ISOC1: variants seen among roughly 807,000 people sequenced by gnomAD.
ISOC1 encodes the protein isochorismatase domain-containing protein 1.
In ISOC1, 33 loss-of-function variants were observed where a neutral mutation model predicts 30.0. The ratio of observed to expected loss-of-function variants is 1.10; its 90% CI spans 0.83 to 1.47. The LOEUF is 1.47. Among genes scored for constraint, ISOC1 ranks in the 40% most tolerant of loss-of-function variants. ISOC1 has a pLI of 0.00. For synonymous variants in ISOC1, 178 were observed against 159.8 expected (o/e 1.11, Z -0.86); for missense variants, 372 against 388.0 (o/e 0.96, Z 0.35).
chr5:129,112,860 C>G lies in ISOC1; in HGVS notation c.756C>G (p.Leu252=). 6.2e-7 allele frequency: 1 copy of G among 1,611,938 alleles called. No individual in the cohort carries two copies. Among genetic ancestry groups the G allele is most frequent in the Non-Finnish European group, 8.5e-7 (1 of 1,179,236 alleles). Residue 252 remains leucine, a synonymous_variant, in exon 5 of 5, where the codon CTC becomes CTG. Transcript: ENST00000173527. The stretch of plus-strand genomic sequence containing the variant: ...CCTTTATCTTTTTGTTCAAGCGTCT[C>G]GCTCGAACCGGGATCATAGTGACCA... ...MMDRMFALER[L]ARTGIIVTTS...
At chr5:129,109,810 T>C (rs1753682831) in intron 4 of ISOC1, among the ~76,000 whole-genome samples, 1 of 152,180 alleles carries the variant, frequency 6.6e-6, no homozygotes, top group Non-Finnish European at 1.5e-5. Context: ...TAAAATACCA[T>C]TGTGGTCCTC....
intron 4 of ISOC1, 108 bp downstream of exon 4, chr5:129,107,170 G>T (rs1007739650): frequency 3.5e-6 from 3 of 845,866 alleles, no homozygotes; most frequent in Non-Finnish European, 5.9e-6. Context: ...ATTTGAGTTG[G>T]TCTGGCAATA....
At chr5:129,100,504 A>G (rs7702153) in intron 1 of ISOC1, among the ~76,000 whole-genome samples, 51,375 of 151,934 alleles carry the variant, frequency 0.34, 8,953 homozygotes, top group East Asian at 0.49. Flanking sequence ...GGATACATAT[A>G]TTTATATGTG....
chr5:129,112,810 A>C, intron 4 of ISOC1, 45 bp from the exon 5 acceptor site: 2 of 1,596,146 alleles, frequency 1.3e-6, no homozygotes, highest in Non-Finnish European at 1.7e-6. Flanking sequence ...AATAGTGTTC[A>C]TTCTCATGCT....
At chr5:129,095,571 G>C (rs1753487805) in intron 1 of ISOC1, among the ~76,000 whole-genome samples, 1 of 152,154 alleles carries the variant, frequency 6.6e-6, no homozygotes, top group Admixed American at 6.5e-5. Flanking sequence ...ATTCCCCCCC[G>C]CCTTCCCAGG....
At chr5:129,107,783 T>C (rs1398119147) in intron 4 of ISOC1, among the ~76,000 whole-genome samples, 1 of 152,142 alleles carries the variant, frequency 6.6e-6, no homozygotes, top group Non-Finnish European at 1.5e-5. Flanking sequence ...GACTAAGTGG[T>C]GTGTCATTGA....
At chr5:129,101,178 A>T (rs1753566210) in intron 1 of ISOC1, among the ~76,000 whole-genome samples, 1 of 108,196 alleles carries the variant, frequency 9.2e-6, no homozygotes, top group African/African-American at 4.7e-5. Context: ...AAAAAAAAAA[A>T]AAAAAAAAAA....
intron 1 of ISOC1, among the ~76,000 whole-genome samples, chr5:129,097,517 A>G (rs1753517978): frequency 6.6e-6 from 1 of 152,188 alleles, no homozygotes; most frequent in African/African-American, 2.4e-5. Context: ...TATGGCTGTA[A>G]GAGACCATAC....
chr5:129,110,372 C>A (rs1207846660), intron 4 of ISOC1, among the ~76,000 whole-genome samples: 1 of 152,170 alleles, frequency 6.6e-6, no homozygotes, highest in Admixed American at 6.5e-5. Flanking sequence ...TGGGCAGGGA[C>A]TTGCTAGGTA....
intron 1 of ISOC1, among the ~76,000 whole-genome samples, chr5:129,095,914 G>A (rs1299014336): frequency 6.6e-6 from 1 of 152,180 alleles, no homozygotes; most frequent in South Asian, 2.1e-4. Flanking sequence ...GGAAAGGAAA[G>A]AATATAAGGT....
At chr5:129,098,110 G>A (rs772565278) in intron 1 of ISOC1, among the ~76,000 whole-genome samples, 1 of 152,082 alleles carries the variant, frequency 6.6e-6, no homozygotes, top group Non-Finnish European at 1.5e-5. Context: ...CTTCATTTGC[G>A]CCGTGGTATG....
chr5:129,104,096 C>G (rs1028360651), intron 1 of ISOC1, among the ~76,000 whole-genome samples: 12 of 152,154 alleles, frequency 7.9e-5, no homozygotes, highest in African/African-American at 2.9e-4. Context: ...AATTCATTGA[C>G]TTTCCTTATC....
At chr5:129,107,738 A>T (rs1369892945) in intron 4 of ISOC1, among the ~76,000 whole-genome samples, 1 of 152,126 alleles carries the variant, frequency 6.6e-6, no homozygotes, top group African/African-American at 2.4e-5. Context: ...GGAACCAGAG[A>T]TGACTATTAG....
intron 1 of ISOC1, 59 bp downstream of exon 1, chr5:129,095,134 CTGTCCCCGCCTTCGCCGCGCTCCTCAG>C: frequency 6.9e-7 from 1 of 1,447,562 alleles, no homozygotes; most frequent in Non-Finnish European, 9.1e-7. Context: ...GTCCCCGTCC[CTGTCCCCGCCTTCGCCGCGCTCCTCAG>C]GTGCCCCGAG....
chr5:129,102,429 T>A (rs1284213137), intron 1 of ISOC1, among the ~76,000 whole-genome samples: 1 of 152,078 alleles, frequency 6.6e-6, no homozygotes, highest in South Asian at 2.1e-4. Flanking sequence ...ATATGACACA[T>A]CTGATGCAGT....
intron 3 of ISOC1, 121 bp downstream of exon 3, chr5:129,105,509 A>C (rs1164171460): frequency 5.2e-6 from 4 of 764,670 alleles, no homozygotes; most frequent in African/African-American, 3.5e-5. Context: ...GGTAGCCACC[A>C]TGTATTATGT....
rs1362046393 is a variant in ISOC1, at chr5:129,101,182, A to T, written c.310-3774A>T. 1.1e-3 allele frequency among the ~76,000 whole-genome samples: 125 copies of T among 109,976 alleles called. 4 individuals carry two copies. The highest frequency in any genetic ancestry group is 5.6e-3 in the African/African-American group (122 of 21,626). The allele number at this position is 109,976 out of a possible 152,430, so 72.1% of individuals were successfully genotyped here. On this transcript the variant is annotated intron_variant, in intron 1 of 4. Transcript: ENST00000173527. Reference sequence around the variant, plus strand: ...TAATCAAAAAAAAAAAAAAAAAAAAAAAAAAAAAAAATATATATATATATA... The same window carrying T: ...TAATCAAAAAAAAAAAAAAAAAAAATAAAAAAAAAAATATATATATATATA...
At position 129,100,595 on chromosome 5, in the gene ISOC1, T is replaced by C. The variant is rs1235550864; in HGVS notation, c.310-4361T>C. Reference sequence around the variant, plus strand: ...TGGTGACATTTGGTCCAGTCCACTTTTAATTTGCTGAGGCAGGACTGGCTG... The same window carrying C: ...TGGTGACATTTGGTCCAGTCCACTTCTAATTTGCTGAGGCAGGACTGGCTG... On this transcript the variant is annotated intron_variant, in intron 1 of 4. Transcript: ENST00000173527. 3.9e-5 allele frequency among the ~76,000 whole-genome samples: 6 copies of C among 152,202 alleles called. No homozygotes were observed. The East Asian group carries it at 9.6e-4, about 24-fold the overall frequency.
chr5:129,105,728 C>T (rs141016505), intron 3 of ISOC1, among the ~76,000 whole-genome samples: 926 of 152,146 alleles, frequency 6.1e-3, no homozygotes, highest in Middle Eastern at 0.01. Context: ...TACATTTTCA[C>T]CAAAGGCATT....
Sources: allele counts gnomAD v4.1 joint callset (sites outside exome capture counted in the v4.1 genomes callset), GRCh38; gene constraint gnomAD v4.1.1; transcripts MANE v1.5; gene names NCBI Gene and HGNC (gene_info 2026-07-23, HGNC 2026-07-21).